The following TPD52 variants were observed in gnomAD, a reference collection of about 807,000 sequenced individuals.
TPD52 encodes prostate and colon associated protein.
In TPD52, 17 loss-of-function variants were observed where a neutral mutation model predicts 31.3. The ratio of observed to expected loss-of-function variants is 0.54; its 90% CI spans 0.37 to 0.82. The LOEUF (loss-of-function observed/expected upper bound fraction) is 0.82. Ranked by LOEUF, TPD52 falls within the 40% of genes least tolerant of loss-of-function variation. The pLI is 0.00. For missense variants in TPD52, 212 were observed against 240.1 expected, an observed-to-expected ratio of 0.88 and a Z score of 0.77; for synonymous variants, 83 against 89.6, an observed-to-expected ratio of 0.93 and a Z score of 0.42.
chr8:80,140,769 T>C (rs976164088), intron 1 of TPD52, among the ~76,000 whole-genome samples: 6 of 152,306 alleles, frequency 3.9e-5, no homozygotes, highest in Admixed American at 2.0e-4. Flanking sequence ...TCTAGGAAAC[T>C]ATTGCACCAG....
intron 1 of TPD52, among the ~76,000 whole-genome samples, chr8:80,078,449 G>A (rs754460706): frequency 4.6e-4 from 70 of 152,318 alleles, no homozygotes; most frequent in South Asian, 1.0e-3. Flanking sequence ...AATACAAAGA[G>A]TGCAAACACA....
At chr8:80,129,078 T>C (rs1216220531) in intron 1 of TPD52, among the ~76,000 whole-genome samples, 1 of 152,166 alleles carries the variant, frequency 6.6e-6, no homozygotes, top group Non-Finnish European at 1.5e-5. Flanking sequence ...TTCAAGAATT[T>C]GGTGGATAAG....
intron 1 of TPD52, among the ~76,000 whole-genome samples, chr8:80,095,049 T>C (rs1816628613): frequency 6.6e-6 from 1 of 152,284 alleles, no homozygotes; most frequent in East Asian, 1.9e-4. Flanking sequence ...TGAAAACTTA[T>C]GACCACACAA....
At chr8:80,127,002 A>G (rs1027766204) in intron 1 of TPD52, among the ~76,000 whole-genome samples, 4 of 152,064 alleles carry the variant, frequency 2.6e-5, no homozygotes, top group African/African-American at 9.7e-5. Context: ...CCAGTTACTC[A>G]GAAGGCTGAG....
intron 1 of TPD52, among the ~76,000 whole-genome samples, chr8:80,082,118 C>CT (rs376859746): frequency 0.026 from 3,605 of 140,274 alleles, 59 homozygotes; most frequent in Middle Eastern, 0.043. Flanking sequence ...TATGGTAAGT[C>CT]TTTTTTTTTT....
chr8:80,088,749 T>C (rs1816020894), intron 1 of TPD52, among the ~76,000 whole-genome samples: 1 of 152,004 alleles, frequency 6.6e-6, no homozygotes, highest in Non-Finnish European at 1.5e-5. Flanking sequence ...TTAAACAGGG[T>C]CATAGGGTGA....
Position 80,034,807 on chromosome 8 carries a change from TAATAA to T in TPD52, c.*3304_*3308del, listed in dbSNP as rs1472249725. 9 of 152,152 alleles carry T rather than the reference TAATAA, an allele frequency of 5.9e-5. No homozygotes were observed. Among genetic ancestry groups the T allele is most frequent in the Admixed American group, 2.0e-4 (3 of 15,278 alleles). 9.4% of individuals were successfully genotyped at this position (152,152 alleles called of 1,614,324 possible). On this transcript the variant is annotated 3_prime_UTR_variant, in exon 8 of 8. Coordinates refer to ENST00000518937, the MANE Select transcript of TPD52 (RefSeq NM_001025253.3). ...CTATATGATAGAAGAACCACAAAAT[TAATAA>T]AATAAACTACCAACCAACCTCAGTA...
intron 1 of TPD52, among the ~76,000 whole-genome samples, chr8:80,074,055 C>T (rs759093598): frequency 2.0e-5 from 3 of 152,160 alleles, no homozygotes; most frequent in Admixed American, 6.5e-5. Context: ...GTTAACACTG[C>T]CTACCCAAGA....
chr8:80,034,186 G>A (rs1375580594), downstream of TPD52, among the ~76,000 whole-genome samples: 3 of 152,158 alleles, frequency 2.0e-5, no homozygotes, highest in Admixed American at 2.0e-4. Context: ...GGTTGTGACA[G>A]CACCCAAGCT....
At chr8:80,100,257 A>C (rs1050197553) in intron 1 of TPD52, among the ~76,000 whole-genome samples, 2 of 152,222 alleles carry the variant, frequency 1.3e-5, no homozygotes, top group Non-Finnish European at 2.9e-5. Context: ...GTAATATCTT[A>C]GTGTGAAGAT....
At chr8:80,075,521 T>C (rs1250388090) in intron 1 of TPD52, among the ~76,000 whole-genome samples, 1 of 152,154 alleles carries the variant, frequency 6.6e-6, no homozygotes, top group African/African-American at 2.4e-5. Context: ...AACACAGTAT[T>C]TTCAAATGCT....
intron 1 of TPD52, among the ~76,000 whole-genome samples, chr8:80,163,354 T>C (rs1811488291): frequency 6.6e-6 from 1 of 152,154 alleles, no homozygotes; most frequent in African/African-American, 2.4e-5. Context: ...CTAAATAAAA[T>C]AAGCATCACA....
At chr8:80,069,657 C>T (rs7837531) in intron 1 of TPD52, among the ~76,000 whole-genome samples, 55,712 of 151,710 alleles carry the variant, frequency 0.37, 10,927 homozygotes, top group East Asian at 0.7. Flanking sequence ...AGATTTAAAA[C>T]TTAAGTTATG....
Position 80,053,321 on chromosome 8 carries a change from T to C in TPD52, c.245A>G (p.Asn82Ser). ...CACGTCTTGCCACCCTTTGGCAATG[T>C]TCTGTTTTAGTTCCTGTAGAGAATT... ...GINSLQELKQNIAKGWQDVTA... is the reference protein window; with the variant it reads ...GINSLQELKQSIAKGWQDVTA... The change falls in exon 3 of 8, where the codon AAC becomes AGC. Residue 82 changes from asparagine (N) to serine (S), a missense_variant. Asn to Ser is a conservative substitution (Grantham distance 46, BLOSUM62 1). Coordinates refer to ENST00000518937, the MANE Select transcript of TPD52 (RefSeq NM_001025253.3). The C allele has an allele frequency of 1.2e-6, 2 of 1,613,744 alleles. No homozygotes were observed. The highest frequency in any genetic ancestry group is 1.7e-6 in the Non-Finnish European group (2 of 1,179,728).
At chr8:80,162,567 G>GGTA (rs1811430927) in intron 1 of TPD52, among the ~76,000 whole-genome samples, 1 of 145,748 alleles carries the variant, frequency 6.9e-6, no homozygotes, top group Non-Finnish European at 1.5e-5. Flanking sequence ...AGGCTACAAT[G>GGTA]AGCTAGAATT....
intron 1 of TPD52, among the ~76,000 whole-genome samples, chr8:80,143,636 T>G (rs1809991666): frequency 6.6e-6 from 1 of 152,206 alleles, no homozygotes. Flanking sequence ...TTTTTAAGCT[T>G]CATAGTTTAA....
intron 5 of TPD52, among the ~76,000 whole-genome samples, chr8:80,049,424 A>C (rs550094802): frequency 6.1e-4 from 93 of 152,296 alleles, no homozygotes; most frequent in African/African-American, 2.2e-3. Context: ...TGATTTTTTA[A>C]GCATAATTTT....
Position 80,135,098 on chromosome 8 carries a change from C to T in TPD52, c.19+36327G>A, listed in dbSNP as rs149586269. On this transcript the variant is annotated intron_variant, in intron 1 of 7. Coordinates refer to ENST00000518937, the MANE Select transcript of TPD52 (RefSeq NM_001025253.3). ...AGGTATTACAGAAGGGATGCACACA[C>T]AGGATGGAAACTTGCATAGATATCC... 4.7e-3 allele frequency among the ~76,000 whole-genome samples: 710 copies of T among 152,252 alleles called. 4 individuals carry two copies. The highest frequency in any genetic ancestry group is 0.016 in the African/African-American group (677 of 41,530).
chr8:80,128,985 T>A (rs1411929931), intron 1 of TPD52, among the ~76,000 whole-genome samples: 3 of 152,106 alleles, frequency 2.0e-5, no homozygotes, highest in African/African-American at 7.2e-5. Context: ...ACAAGATTTT[T>A]AAAAAACATT....
Sources: allele counts gnomAD v4.1 joint callset (sites outside exome capture counted in the v4.1 genomes callset), GRCh38; gene constraint gnomAD v4.1.1; transcripts MANE v1.5; gene names NCBI Gene and HGNC (gene_info 2026-07-23, HGNC 2026-07-21).